TMEM131: variants seen among roughly 807,000 people sequenced by gnomAD.
TMEM131 encodes the protein 2610524E03Rik.
Under a neutral mutation model 211.6 loss-of-function variants are expected in TMEM131, and 66 were observed. The observed-to-expected ratio is 0.31, with a 90% CI of 0.26 to 0.38. The LOEUF is 0.38. Ranked by LOEUF, TMEM131 falls within the 10% of genes least tolerant of loss-of-function variation. The pLI is 1.00. For missense variants in TMEM131, 2,036 were observed against 2,299.3 expected (o/e 0.89, Z 2.34); for synonymous variants, 844 against 841.3 (o/e 1.00, Z -0.06).
In TMEM131 at chr2:97,779,951, T is replaced by C. The variant is rs971756230; in HGVS notation, c.4145-3933A>G. ...AGGAGGATCTCTTGAGCCCAGGAGTTTGAGGTTATAGTGAGTTATGATTGC... is the reference window on the plus strand; with the variant it reads ...AGGAGGATCTCTTGAGCCCAGGAGTCTGAGGTTATAGTGAGTTATGATTGC... On this transcript the variant is annotated intron_variant, in intron 31 of 40. Transcript: ENST00000186436. Among the ~76,000 whole-genome samples the C allele has an allele frequency of 9.2e-5, 14 of 151,974 alleles. No homozygotes were observed. In the East Asian group the frequency reaches 1.5e-3, roughly 17 times the overall value.
Position 97,805,213 on chromosome 2 carries a change from A to G in TMEM131, c.2285-8T>C, listed in dbSNP as rs748216811. On this transcript the variant is annotated splice_polypyrimidine_tract_variant and splice_region_variant and intron_variant, in intron 21 of 40. Transcript: ENST00000186436. ...GCTGCACTTTGGGTTCAGCTAAAAC[A>G]AGGAAACATACTTAACCTGCATCTA... 4.4e-6 allele frequency: 7 copies of G among 1,608,786 alleles called. No homozygotes were observed. The Admixed American group carries it at 1.2e-4, about 27-fold the overall frequency.
At chr2:97,783,890 G>A (rs975829327) in intron 31 of TMEM131, among the ~76,000 whole-genome samples, 8 of 151,712 alleles carry the variant, frequency 5.3e-5, no homozygotes, top group African/African-American at 1.7e-4. Context: ...GATATAGGCA[G>A]GTTGAAGTAA....
Position 97,792,482 on chromosome 2 carries a change from G to A in TMEM131, c.4048C>T (p.Leu1350Phe). 1 of 1,613,794 alleles carries A rather than the reference G, an allele frequency of 6.2e-7. No homozygotes were observed. The highest frequency in any genetic ancestry group is 8.5e-7 in the Non-Finnish European group (1 of 1,179,828). The change falls in exon 31 of 41, where the codon CTC becomes TTC. Residue 1350 changes from leucine to phenylalanine, a missense_variant. Leu to Phe is a conservative substitution (Grantham distance 22). Transcript: ENST00000186436. ...AAGTCTTTGTCCATGGCTTCTATGA[G>A]ACTGGTGATGTCCGAGTCCTCGGAA... Reference protein sequence around the residue: ...HSSEDSDITSLIEAMDKDFDH... With the variant: ...HSSEDSDITSFIEAMDKDFDH...
intron 2 of TMEM131, among the ~76,000 whole-genome samples, chr2:97,910,065 A>T (rs1676230513): frequency 6.6e-6 from 1 of 152,212 alleles, no homozygotes; most frequent in Non-Finnish European, 1.5e-5. Context: ...AAAGGTGGGC[A>T]AAGGACTCAA....
At chr2:97,994,268 C>T (rs1680390058) in intron 1 of TMEM131, among the ~76,000 whole-genome samples, 1 of 152,202 alleles carries the variant, frequency 6.6e-6, no homozygotes, top group African/African-American at 2.4e-5. Context: ...ATATTTTATT[C>T]TGGAAATAAT....
chr2:97,766,332 A>G (rs1387161971), intron 34 of TMEM131, 69 bp from the exon 35 acceptor site: 1 of 1,606,432 alleles, frequency 6.2e-7, no homozygotes, highest in Non-Finnish European at 8.5e-7. Flanking sequence ...TATTTCAATG[A>G]ACCTTCTAAT....
At chr2:97,980,555 T>C (rs566141575) in intron 1 of TMEM131, among the ~76,000 whole-genome samples, 1 of 152,326 alleles carries the variant, frequency 6.6e-6, no homozygotes, top group South Asian at 2.1e-4. Flanking sequence ...GATCCAGACA[T>C]TCCACTCATA....
At chr2:97,965,361 G>T (rs1192102035) in intron 1 of TMEM131, among the ~76,000 whole-genome samples, 1 of 152,182 alleles carries the variant, frequency 6.6e-6, no homozygotes, top group African/African-American at 2.4e-5. Flanking sequence ...TTGGGTGGAG[G>T]CTGAGAGTTC....
intron 11 of TMEM131, among the ~76,000 whole-genome samples, chr2:97,831,669 T>TTTG (rs1682695437): frequency 9.2e-6 from 1 of 108,918 alleles, no homozygotes; most frequent in African/African-American, 3.6e-5. Flanking sequence ...TACCTCTTTT[T>TTTG]TTTTTTTTTT....
At chr2:97,757,413 G>A (rs1678554158) in intron 40 of TMEM131, 30 bp from the exon 41 acceptor site, 3 of 1,545,086 alleles carry the variant, frequency 1.9e-6, no homozygotes, top group Non-Finnish European at 1.7e-6. Context: ...GTCCAGCACT[G>A]AGCCCGGCAG....
intron 31 of TMEM131, among the ~76,000 whole-genome samples, chr2:97,779,223 G>A (rs1223833384): frequency 6.6e-6 from 1 of 152,204 alleles, no homozygotes; most frequent in Non-Finnish European, 1.5e-5. Flanking sequence ...TCAGGGCCAT[G>A]TATGATTTCT....
At chr2:97,852,236 A>G (rs1014406730) in intron 5 of TMEM131, among the ~76,000 whole-genome samples, 7 of 146,070 alleles carry the variant, frequency 4.8e-5, no homozygotes, top group African/African-American at 1.5e-4. Context: ...GTCTTGGCTC[A>G]CTGCAATCTC....
At position 97,798,692 on chromosome 2, in the gene TMEM131, A is replaced by G. The variant is rs552233838; in HGVS notation, c.2719-1176T>C. ...ATATATGCAGTTTTGCATCCTGAAA[A>G]CTGTATTTTCCATCTGCACTTGATT... On this transcript the variant is annotated intron_variant, in intron 25 of 40. Coordinates refer to ENST00000186436, the MANE Select transcript of TMEM131 (RefSeq NM_015348.2). 5.6e-4 allele frequency among the ~76,000 whole-genome samples: 86 copies of G among 152,242 alleles called. 1 individual carries two copies. The South Asian group carries it at 0.018, about 32-fold the overall frequency.
In TMEM131 at chr2:97,800,894, C is replaced by T. The variant is rs577754565; in HGVS notation, c.2718+1001G>A. On this transcript the variant is annotated intron_variant, in intron 25 of 40. Coordinates refer to ENST00000186436, the MANE Select transcript of TMEM131 (RefSeq NM_015348.2). ...CAAAGCACGAAAAGATTCCCAGAGC[C>T]GCGCATGAGGCTGGAATACAAGACT... 6.6e-5 allele frequency among the ~76,000 whole-genome samples: 10 copies of T among 152,280 alleles called. No individual in the cohort carries two copies. In the East Asian group the frequency reaches 1.3e-3, roughly 21 times the overall value.
Position 97,759,045 on chromosome 2 carries a change from T to C in TMEM131, c.5215A>G (p.Ser1739Gly). The C allele has an allele frequency of 6.2e-7, 1 of 1,614,070 alleles. No individual in the cohort carries two copies. Among genetic ancestry groups the C allele is most frequent in the Non-Finnish European group, 8.5e-7 (1 of 1,179,908 alleles). Reference sequence around the variant, plus strand: ...CACGATCGAGATAATCCGAGTTTGCTGAAAACTTCTGGAAATAAAGCAACA... The same window carrying C: ...CACGATCGAGATAATCCGAGTTTGCCGAAAACTTCTGGAAATAAAGCAACA... ...NSFNLTGEVF[S>G]KLGLSRSCNQ... The change falls in exon 40 of 41, where the codon AGC (serine) becomes GGC (glycine). Residue 1739 changes from serine (S) to glycine (G), a missense_variant. By Grantham distance (56) the Ser-to-Gly change is moderately conservative (BLOSUM62 0). Around this residue, in one of 3 missense-constraint regions of TMEM131, gnomAD observed 1,623 missense variants for 1,805.9 expected, o/e 0.90. Coordinates refer to ENST00000186436, the MANE Select transcript of TMEM131 (RefSeq NM_015348.2).
At chr2:97,899,554 G>C (rs1306880574) in intron 3 of TMEM131, among the ~76,000 whole-genome samples, 2 of 152,072 alleles carry the variant, frequency 1.3e-5, no homozygotes, top group Non-Finnish European at 2.9e-5. Context: ...TGACCTATCA[G>C]ATCAGCAAAA....
rs144836243 is a variant in TMEM131, at chr2:97,933,191, C to T, written c.188-5704G>A. 6.3e-3 allele frequency among the ~76,000 whole-genome samples: 955 copies of T among 152,234 alleles called. 6 individuals are homozygous for T. Among genetic ancestry groups the T allele is most frequent in the Non-Finnish European group, 0.011 (716 of 68,004 alleles). On this transcript the variant is annotated intron_variant, in intron 1 of 40. Transcript: ENST00000186436. ...AGGATGTTTTCCACGTTGAGTGATG[C>T]GTGACCATAGTACCCAAAGTCTCCA...
intron 5 of TMEM131, among the ~76,000 whole-genome samples, chr2:97,849,261 A>G (rs1401574318): frequency 6.6e-6 from 1 of 152,214 alleles, no homozygotes; most frequent in Non-Finnish European, 1.5e-5. Context: ...TCTGTAGGTA[A>G]ATATTTACAG....
intron 5 of TMEM131, among the ~76,000 whole-genome samples, chr2:97,847,037 G>A (rs1573452929): frequency 1.4e-5 from 2 of 141,664 alleles, no homozygotes; most frequent in East Asian, 4.2e-4. Flanking sequence ...AAATTAGTTG[G>A]GTGTGATGGC....
Sources: gnomAD v4.1 joint callset for allele counts (sites outside exome capture counted in the v4.1 genomes callset) on GRCh38, gnomAD v4.1.1 for gene constraint, gnomAD v4.1.1 regional missense constraint, MANE v1.5 for transcripts, NCBI Gene and HGNC (gene_info 2026-07-23, HGNC 2026-07-21) for gene names.